ZNF510: variants seen among roughly 807,000 people sequenced by gnomAD.
ZNF510 encodes zinc finger protein 510.
In ZNF510, 15 loss-of-function variants were observed where a neutral mutation model predicts 18.1. That is an observed-to-expected ratio of 0.83 (90% CI 0.55 to 1.28). ZNF510 has a LOEUF of 1.28. ZNF510 is among the 50% of genes most tolerant of loss of function. The pLI is 0.00. For missense variants in ZNF510, 724 were observed against 791.8 expected (o/e 0.91, Z 1.03); for synonymous variants, 261 against 266.4 (o/e 0.98, Z 0.20).
chr9:96,769,437 C>CAAAAAAA (rs71485393), intron 3 of ZNF510, among the ~76,000 whole-genome samples: 1 of 126,324 alleles, frequency 7.9e-6, no homozygotes, highest in African/African-American at 3.2e-5. Flanking sequence ...ATTCCGTCTC[C>CAAAAAAA]AAAAAAAAAA....
Position 96,754,992 on chromosome 9 carries a change from G to T in ZNF510, c.*3786C>A, listed in dbSNP as rs1167770542. On this transcript the variant is annotated 3_prime_UTR_variant, in exon 6 of 6. Transcript: ENST00000223428. ...GTAAAAGACCATGAGTTGCTAAGGA[G>T]ATCAACCAGGCAAGGAGAGGGAGCA... Among the ~76,000 whole-genome samples, 1 of 152,214 alleles carries T rather than the reference G, an allele frequency of 6.6e-6. No individual in the cohort carries two copies. Among genetic ancestry groups the T allele is most frequent in the African/African-American group, 2.4e-5 (1 of 41,456 alleles).
chr9:96,756,407 T>C lies in ZNF510; in HGVS notation c.*2371A>G, dbSNP rs1849194026. 7.1e-6 allele frequency: 1 copy of C among 141,572 alleles called. No homozygotes were observed. Among genetic ancestry groups the C allele is most frequent in the Non-Finnish European group, 1.5e-5 (1 of 67,942 alleles). The allele number at this position is 141,572 out of a possible 1,614,324, so 8.8% of individuals were successfully genotyped here. A position where few individuals can be genotyped will look rare whatever the true frequency, so the allele number is the denominator to read the frequency against. Reference sequence around the variant, plus strand: ...CCCAATTACAGTAACCTCTATGAATTGAGGGCTCTACTAAGCCAGCAACTT... The same window carrying C: ...CCCAATTACAGTAACCTCTATGAATCGAGGGCTCTACTAAGCCAGCAACTT... On this transcript the variant is annotated 3_prime_UTR_variant, in exon 6 of 6. Coordinates refer to ENST00000223428, the MANE Select transcript of ZNF510 (RefSeq NM_014930.3).
At chr9:96,770,589 G>A (rs1849565089) in intron 3 of ZNF510, among the ~76,000 whole-genome samples, 1 of 146,848 alleles carries the variant, frequency 6.8e-6, no homozygotes. Flanking sequence ...AGCGACAAGA[G>A]CAAAACTCTG....
chr9:96,773,711 G>A (rs1489242561), intron 3 of ZNF510, among the ~76,000 whole-genome samples: 1 of 152,104 alleles, frequency 6.6e-6, no homozygotes, highest in Non-Finnish European at 1.5e-5. Flanking sequence ...GAGTAGCTGG[G>A]ATTACAGGCA....
chr9:96,767,070 A>G (rs1181354269), intron 3 of ZNF510, among the ~76,000 whole-genome samples: 1 of 152,156 alleles, frequency 6.6e-6, no homozygotes, highest in Admixed American at 6.5e-5. Flanking sequence ...GTTCACGCCT[A>G]TAATTCCAGC....
Position 96,756,931 on chromosome 9 carries a change from A to G in ZNF510, c.*1847T>C, listed in dbSNP as rs1300637255. ...CTATGACTTATGCGAATTACAGGGA[A>G]TTAGAATTCTCTCTATAACTTATGG... On this transcript the variant is annotated 3_prime_UTR_variant, in exon 6 of 6. Transcript: ENST00000223428. 1 of 152,234 alleles carries G rather than the reference A, an allele frequency of 6.6e-6. No homozygotes were observed. Among genetic ancestry groups the G allele is most frequent in the African/African-American group, 2.4e-5 (1 of 41,452 alleles). The allele number at this position is 152,234 out of a possible 1,614,324, so 9.4% of individuals were successfully genotyped here.
intron 3 of ZNF510, among the ~76,000 whole-genome samples, chr9:96,764,330 G>C (rs1411119582): frequency 6.6e-6 from 1 of 152,166 alleles, no homozygotes; most frequent in Non-Finnish European, 1.5e-5. Flanking sequence ...TTGTGTATGT[G>C]TGGTAAAGAC....
chr9:96,771,591 T>G lies in ZNF510; in HGVS notation c.129+3197A>C, dbSNP rs753760402. Among the ~76,000 whole-genome samples, 41 of 152,086 alleles carry G rather than the reference T, an allele frequency of 2.7e-4. 1 individual carries two copies. The highest frequency in any genetic ancestry group is 3.9e-4 in the Admixed American group (6 of 15,266). On this transcript the variant is annotated intron_variant, in intron 3 of 5. Transcript: ENST00000223428. The stretch of plus-strand genomic sequence containing the variant: ...AGACAAGGATTTCTATTATCACCAT[T>G]TGTACTAAACATTTTACTGGAAGTC...
rs1849223430 is a variant in ZNF510, at chr9:96,757,475, A to G, written c.*1303T>C. ...TTCTCCTTGACTCTCTAGCCTCCTA[A>G]TAAGGTTTGTGCCCTCTGATTGACT... On this transcript the variant is annotated 3_prime_UTR_variant, in exon 6 of 6. Transcript: ENST00000223428. The G allele has an allele frequency of 6.6e-6, 1 of 152,138 alleles. No individual in the cohort carries two copies. The highest frequency in any genetic ancestry group is 6.5e-5 in the Admixed American group (1 of 15,268). 9.4% of individuals were successfully genotyped at this position (152,138 alleles called of 1,614,324 possible). A position where few individuals can be genotyped will look rare whatever the true frequency, so the allele number is the denominator to read the frequency against.
In ZNF510 at chr9:96,754,732, GA is replaced by G. The variant is rs1174940202; in HGVS notation, c.*4045del. Among the ~76,000 whole-genome samples, 5 of 152,180 alleles carry G rather than the reference GA, an allele frequency of 3.3e-5. No homozygotes were observed. The East Asian group carries it at 9.7e-4, about 29-fold the overall frequency. On this transcript the variant is annotated 3_prime_UTR_variant, in exon 6 of 6. Transcript: ENST00000223428. ...TAATAATCACCCAAAAGATAACTTG[GA>G]ACATCAAAAGGAAAAATGCTCAGAT...
At chr9:96,770,612 A>AAT (rs555276089) in intron 3 of ZNF510, among the ~76,000 whole-genome samples, 76 of 133,812 alleles carry the variant, frequency 5.7e-4, no homozygotes, top group South Asian at 1.7e-3. Flanking sequence ...TCAAAAAAAA[A>AAT]ATATATATAT....
intron 3 of ZNF510, among the ~76,000 whole-genome samples, chr9:96,768,675 G>C (rs1310605581): frequency 2.6e-5 from 4 of 152,114 alleles, no homozygotes; most frequent in African/African-American, 9.7e-5. Flanking sequence ...AGAAAACACT[G>C]CTAGAAGAAA....
rs1395965757 is a variant in ZNF510 at position 96,754,993 on chromosome 9, A to G, written c.*3785T>C. On this transcript the variant is annotated 3_prime_UTR_variant, in exon 6 of 6. Transcript: ENST00000223428. ...TAAAAGACCATGAGTTGCTAAGGAG[A>G]TCAACCAGGCAAGGAGAGGGAGCAT... Among the ~76,000 whole-genome samples, 1 of 152,186 alleles carries G rather than the reference A, an allele frequency of 6.6e-6. No homozygotes were observed. The highest frequency in any genetic ancestry group is 1.5e-5 in the Non-Finnish European group (1 of 68,032).
intron 5 of ZNF510, among the ~76,000 whole-genome samples, chr9:96,761,350 T>C (rs1333161999): frequency 6.6e-6 from 1 of 152,222 alleles, no homozygotes; most frequent in Non-Finnish European, 1.5e-5. Context: ...TCTTTATGCA[T>C]TCTAAATGCC....
In ZNF510 at chr9:96,754,709, A is replaced by ATAAAT. The variant is rs145047631; in HGVS notation, c.*4068_*4069insATTTA. On this transcript the variant is annotated 3_prime_UTR_variant, in exon 6 of 6. Transcript: ENST00000223428. ...TATAGCAATATTTTACCTATTTATA[A>ATAAAT]TAATCACCCAAAAGATAACTTGGAA... is the stretch of plus-strand genomic sequence containing the variant. Among the ~76,000 whole-genome samples, 9,836 of 152,212 alleles carry ATAAAT rather than the reference A, an allele frequency of 0.065. 1,054 individuals carry two copies. Among genetic ancestry groups the ATAAAT allele is most frequent in the African/African-American group, 0.22 (9,243 of 41,468 alleles).
chr9:96,772,311 A>C (rs1849599525), intron 3 of ZNF510, among the ~76,000 whole-genome samples: 1 of 152,216 alleles, frequency 6.6e-6, no homozygotes, highest in African/African-American at 2.4e-5. Context: ...GTAACAATAT[A>C]GGAGAATATC....
In ZNF510 at chr9:96,755,106, C is replaced by G. The variant is rs1163418882; in HGVS notation, c.*3672G>C. 6.6e-6 allele frequency among the ~76,000 whole-genome samples: 1 copy of G among 152,194 alleles called. No homozygotes were observed. The highest frequency in any genetic ancestry group is 1.5e-5 in the Non-Finnish European group (1 of 68,044). The stretch of plus-strand genomic sequence containing the variant: ...TGGGCCGCCCTCTGCTAAGGGACAG[C>G]AGGTGAAGCCTGAGTCCCCAGTCAT... On this transcript the variant is annotated 3_prime_UTR_variant, in exon 6 of 6. Transcript: ENST00000223428.
chr9:96,759,991 G>C lies in ZNF510; in HGVS notation c.839C>G (p.Thr280Arg). Residue 280 changes from threonine (T) to arginine (R), a missense_variant, in exon 6 of 6, where the codon ACA (threonine) becomes AGA (arginine). Transcript: ENST00000223428. Reference sequence around the variant, plus strand: ...CCTAAATTCATCATCTTTAGAGGATGTTTCTCCTGTGTGAGAACTGTTATG... The same window carrying C: ...CCTAAATTCATCATCTTTAGAGGATCTTTCTCCTGTGTGAGAACTGTTATG... ...VKHNSSHTGETSSKDDEFRKN... is the reference protein window; with the variant it reads ...VKHNSSHTGERSSKDDEFRKN... 1 of 1,612,826 alleles carries C rather than the reference G, an allele frequency of 6.2e-7. No individual in the cohort carries two copies. Among genetic ancestry groups the C allele is most frequent in the Non-Finnish European group, 8.5e-7 (1 of 1,179,850 alleles).
Position 96,759,409 on chromosome 9 carries a change from G to A in ZNF510, c.1421C>T (p.Thr474Ile), listed in dbSNP as rs768554889. The A allele has an allele frequency of 2.3e-5, 37 of 1,613,822 alleles. No individual in the cohort carries two copies. Among genetic ancestry groups the A allele is most frequent in the African/African-American group, 2.7e-5 (2 of 74,854 alleles). ...ECGKTFVQKS[T>I]LRGHQRIHTG... The stretch of plus-strand genomic sequence containing the variant: ...GTGAATTCTTTGATGTCCCCTGAGG[G>A]TTGACTTCTGGACAAATGTTTTTCC... The change falls in exon 6 of 6, where the codon ACC (threonine) becomes ATC (isoleucine). Residue 474 changes from threonine to isoleucine, a missense_variant. Transcript: ENST00000223428.
Sources: gnomAD v4.1 joint callset for allele counts (sites outside exome capture counted in the v4.1 genomes callset) on GRCh38, gnomAD v4.1.1 for gene constraint, MANE v1.5 for transcripts, NCBI Gene and HGNC (gene_info 2026-07-23, HGNC 2026-07-21) for gene names.